Variants in ZNF708 observed in about 807,000 individuals in gnomAD.
The protein encoded by ZNF708 is ZNF15, ZNF15L1.
In ZNF708, 44 loss-of-function variants were observed where a neutral mutation model predicts 47.0. That is an observed-to-expected ratio of 0.94 (90% CI 0.74 to 1.20). The LOEUF is 1.20. ZNF708 is among the 50% of genes most tolerant of loss of function. The pLI is 0.00. For missense variants in ZNF708, 557 were observed against 656.0 expected, an observed-to-expected ratio of 0.85 and a Z score of 1.65; for synonymous variants, 184 against 218.5, an observed-to-expected ratio of 0.84 and a Z score of 1.39.
At chr19:21,306,943 T>A (rs1437320687) in intron 3 of ZNF708, 4 of 143,252 alleles carry the variant, frequency 2.8e-5, no homozygotes, top group Non-Finnish European at 6.0e-5. Flanking sequence ...AAACTCCATC[T>A]CAAAAGAAAA....
At chr19:21,327,992 G>A in intron 1 of ZNF708, 13 of 1,006,974 alleles carry the variant, frequency 1.3e-5, no homozygotes, top group Non-Finnish European at 1.4e-5. Flanking sequence ...AAATGACCCA[G>A]GAGCTGATAT....
intron 3 of ZNF708, among the ~76,000 whole-genome samples, chr19:21,300,514 A>C (rs1329636722): frequency 4.4e-5 from 6 of 137,060 alleles, no homozygotes; most frequent in Non-Finnish European, 9.2e-5. Context: ...CTAAAAAAAA[A>C]AAAAAACAAA....
intron 1 of ZNF708, among the ~76,000 whole-genome samples, chr19:21,327,038 GA>G (rs1973270149): frequency 6.6e-6 from 1 of 151,960 alleles, no homozygotes; most frequent in Non-Finnish European, 1.5e-5. Context: ...ACTTAAATGA[GA>G]ATTTCTCACA....
intron 1 of ZNF708, chr19:21,328,062 C>T (rs760100235): frequency 2.3e-4 from 222 of 983,186 alleles, no homozygotes; most frequent in Non-Finnish European, 2.5e-4. Flanking sequence ...CCAGACAGTA[C>T]TGAAACCCAG....
chr19:21,322,705 T>A (rs568781036), intron 1 of ZNF708, among the ~76,000 whole-genome samples: 1 of 152,318 alleles, frequency 6.6e-6, no homozygotes, highest in East Asian at 1.9e-4. Context: ...GAGCAGAGCG[T>A]CCCATTCCCA....
chr19:21,305,992 T>G (rs1972756821), intron 3 of ZNF708, among the ~76,000 whole-genome samples: 1 of 152,074 alleles, frequency 6.6e-6, no homozygotes, highest in Non-Finnish European at 1.5e-5. Flanking sequence ...GAAAAGATAT[T>G]CTCTTCAAAA....
At chr19:21,316,848 A>C (rs914348628) in intron 1 of ZNF708, among the ~76,000 whole-genome samples, 13 of 150,974 alleles carry the variant, frequency 8.6e-5, no homozygotes, top group Non-Finnish European at 1.9e-4. Flanking sequence ...GTGCAATAGC[A>C]CAATCTTGGC....
chr19:21,293,473 T>C lies in ZNF708; in HGVS notation c.1493A>G (p.His498Arg), dbSNP rs1356592727. Residue 498 changes from histidine to arginine, a missense_variant, in exon 4 of 4, where the codon CAT becomes CGT. Coordinates refer to ENST00000356929, the MANE Select transcript of ZNF708 (RefSeq NM_021269.3). ...ACATTTGTAGGGTTTCTCTCCAGTATGAATTATCTTATGTGTAGTAAGATG... is the reference window on the plus strand; with the variant it reads ...ACATTTGTAGGGTTTCTCTCCAGTACGAATTATCTTATGTGTAGTAAGATG... ...SSHLTTHKII[H>R]TGEKPYKCKE... The C allele has an allele frequency of 1.2e-6, 2 of 1,613,668 alleles. No homozygotes were observed. Among genetic ancestry groups the C allele is most frequent in the African/African-American group, 2.7e-5 (2 of 75,034 alleles).
At chr19:21,320,440 C>G (rs1973103719) in intron 1 of ZNF708, among the ~76,000 whole-genome samples, 1 of 152,010 alleles carries the variant, frequency 6.6e-6, no homozygotes, top group Non-Finnish European at 1.5e-5. Flanking sequence ...AATCCCAGCA[C>G]TTTGGGAGGC....
intron 1 of ZNF708, among the ~76,000 whole-genome samples, chr19:21,320,245 C>A (rs1349936241): frequency 6.6e-6 from 1 of 152,082 alleles, no homozygotes; most frequent in Non-Finnish European, 1.5e-5. Flanking sequence ...GACCCAGCAA[C>A]CTCATAACTT....
chr19:21,293,295 C>T lies in ZNF708; in HGVS notation c.1671G>A (p.Glu557=). The change falls in exon 4 of 4, where the codon GAG becomes GAA. Residue 557 remains glutamate (E), a synonymous_variant. Transcript: ENST00000356929. The stretch of plus-strand genomic sequence containing the variant: ...CACATTATTTACATTTGTAGGGTTT[C>T]TCTTTGGTATGAATTCTCTTATGTT... ...LTKHKRIHTK[E]KPYKCK The T allele has an allele frequency of 6.2e-7, 1 of 1,607,580 alleles. No homozygotes were observed. The highest frequency in any genetic ancestry group is 8.5e-7 in the Non-Finnish European group (1 of 1,177,688).
At chr19:21,306,445 C>A (rs1433113088) in intron 3 of ZNF708, among the ~76,000 whole-genome samples, 1 of 151,558 alleles carries the variant, frequency 6.6e-6, no homozygotes, top group African/African-American at 2.4e-5. Context: ...TAAAAAGATA[C>A]CCAAATGGGA....
chr19:21,327,732 T>C (rs868273284), intron 1 of ZNF708, among the ~76,000 whole-genome samples: 13 of 151,998 alleles, frequency 8.6e-5, no homozygotes, highest in Admixed American at 2.6e-4. Context: ...CTTTTTTTTT[T>C]CCACAAAATT....
At chr19:21,304,817 G>A (rs545851226) in intron 3 of ZNF708, among the ~76,000 whole-genome samples, 31 of 152,198 alleles carry the variant, frequency 2.0e-4, no homozygotes, top group African/African-American at 6.3e-4. Flanking sequence ...AGGTTGCAGC[G>A]AGCCAAAATC....
intron 1 of ZNF708, among the ~76,000 whole-genome samples, chr19:21,322,918 AT>A (rs1973181601): frequency 2.0e-5 from 3 of 152,210 alleles, no homozygotes; most frequent in Admixed American, 1.3e-4. Context: ...CCATGGGCCC[AT>A]TTACATTTCT....
rs112819776 is a variant in ZNF708, at chr19:21,294,110, C to T, written c.856G>A (p.Gly286Ser). 9.7e-4 allele frequency: 1,564 copies of T among 1,613,294 alleles called. 15 individuals are homozygous for T. The African/African-American group carries it at 0.018, about 18-fold the overall frequency. ...TTTGAGGACTGTTTAAAAGCTTTGC[C>T]ACATTCTTCACATTTGTAGGGTTTC... is the stretch of plus-strand genomic sequence containing the variant. The part of the protein sequence containing the change: ...GEKPYKCEEC[G>S]KAFKQSSNLT... Residue 286 changes from glycine to serine, a missense_variant, in exon 4 of 4, where the codon GGC becomes AGC. Coordinates refer to ENST00000356929, the MANE Select transcript of ZNF708 (RefSeq NM_021269.3).
intron 1 of ZNF708, among the ~76,000 whole-genome samples, chr19:21,321,305 G>A (rs1033272862): frequency 2.0e-5 from 3 of 151,686 alleles, no homozygotes; most frequent in South Asian, 2.1e-4. Context: ...AAAACAAAGA[G>A]GGTGTGGGCA....
intron 3 of ZNF708, among the ~76,000 whole-genome samples, chr19:21,299,736 G>A (rs1356846710): frequency 1.4e-5 from 2 of 146,928 alleles, no homozygotes; most frequent in Non-Finnish European, 3.0e-5. Flanking sequence ...TCACACCACT[G>A]CACTCCAGCA....
chr19:21,304,728 T>C (rs1187297203), intron 3 of ZNF708, among the ~76,000 whole-genome samples: 1 of 152,054 alleles, frequency 6.6e-6, no homozygotes, highest in Non-Finnish European at 1.5e-5. Flanking sequence ...ATCAAAAAAT[T>C]AACCAGGGGT....
Sources: gnomAD v4.1 joint callset for allele counts (sites outside exome capture counted in the v4.1 genomes callset) on GRCh38, gnomAD v4.1.1 for gene constraint, MANE v1.5 for transcripts, NCBI Gene and HGNC (gene_info 2026-07-23, HGNC 2026-07-21) for gene names.